Variants in DHTKD1 observed in about 807,000 individuals in gnomAD.
The protein encoded by DHTKD1 is 2-oxoadipate dehydrogenase complex component E1.
DHTKD1 carries 78 observed loss-of-function variants against 101.8 expected under a neutral mutation model. The ratio of observed to expected loss-of-function variants is 0.77; its 90% CI spans 0.64 to 0.93. The LOEUF (loss-of-function observed/expected upper bound fraction) is 0.93, where lower values mean the gene tolerates loss of function less well. Among genes scored for constraint, DHTKD1 ranks in the 40% least tolerant of loss-of-function variants. The pLI is 0.00. For synonymous variants in DHTKD1, 462 were observed against 450.3 expected, an observed-to-expected ratio of 1.03 and a Z score of -0.33; for missense variants, 1,223 against 1,161.7, an observed-to-expected ratio of 1.05 and a Z score of -0.77.
chr10:12,083,733 C>T (rs1832856949), intron 2 of DHTKD1, among the ~76,000 whole-genome samples: 2 of 151,928 alleles, frequency 1.3e-5, no homozygotes, highest in African/African-American at 4.8e-5. Context: ...AAAACTCCAT[C>T]ACACACACAC....
chr10:12,078,242 T>C (rs1014381936), intron 1 of DHTKD1, among the ~76,000 whole-genome samples: 2 of 151,908 alleles, frequency 1.3e-5, no homozygotes, highest in African/African-American at 2.4e-5. Flanking sequence ...CTGGCCAACA[T>C]GGTGAAACCT....
At position 12,073,481 on chromosome 10, in the gene DHTKD1, G is replaced by A. The variant is rs187909598; in HGVS notation, c.154+4294G>A. Among the ~76,000 whole-genome samples the A allele has an allele frequency of 3.9e-5, 6 of 152,108 alleles. No individual in the cohort carries two copies. The East Asian group carries it at 7.7e-4, about 20-fold the overall frequency. ...CCTGCCTCAGCCTCTTGAGTAGCTG[G>A]GACTACAGGTGCTCACCACCATGCC... On this transcript the variant is annotated intron_variant, in intron 1 of 16. Coordinates refer to ENST00000263035, the MANE Select transcript of DHTKD1 (RefSeq NM_018706.7).
Position 12,089,828 on chromosome 10 carries a change from G to A in DHTKD1, c.987+573G>A, listed in dbSNP as rs182133731. 4.3e-3 allele frequency among the ~76,000 whole-genome samples: 659 copies of A among 151,812 alleles called. 7 individuals carry two copies. Among genetic ancestry groups the A allele is most frequent in the African/African-American group, 0.012 (493 of 41,394 alleles). ...TGGGACTACAGGCACGTGCCACCAC[G>A]CCCAGCTAATTTTTGTATTTTTAGT... On this transcript the variant is annotated intron_variant, in intron 5 of 16. Transcript: ENST00000263035.
intron 12 of DHTKD1, among the ~76,000 whole-genome samples, chr10:12,112,036 C>T (rs1343394599): frequency 6.6e-6 from 1 of 150,568 alleles, no homozygotes; most frequent in Non-Finnish European, 1.5e-5. Flanking sequence ...TGATTGAGGC[C>T]AGGCATGGTG....
Position 12,100,281 on chromosome 10 carries a change from T to TTTCGG in DHTKD1, c.1756+21_1756+22insCGGTT. 1.1e-6 allele frequency: 1 copy of TTTCGG among 937,636 alleles called. No homozygotes were observed. The highest frequency in any genetic ancestry group is 1.5e-6 in the Non-Finnish European group (1 of 656,926). The allele number at this position is 937,636 out of a possible 1,614,324, so 58.1% of individuals were successfully genotyped here. On this transcript the variant is annotated intron_variant, in intron 9 of 16. Coordinates refer to ENST00000263035, the MANE Select transcript of DHTKD1 (RefSeq NM_018706.7). ...GCTCAAGGTAAGAATTTTCTTTTTT[T>TTTCGG]TTTCTGTTTTTTTTTTTTTTGAGTC... is the stretch of plus-strand genomic sequence containing the variant.
chr10:12,088,959 T>G, intron 4 of DHTKD1, 27 bp from the exon 5 acceptor site: 1 of 1,594,950 alleles, frequency 6.3e-7, no homozygotes, highest in Non-Finnish European at 8.6e-7. Flanking sequence ...AATGCCATTT[T>G]TTTCCTTTTG....
chr10:12,069,263 GTC>G, intron 1 of DHTKD1, 76 bp downstream of exon 1: 1 of 1,343,328 alleles, frequency 7.4e-7, no homozygotes, highest in Non-Finnish European at 9.8e-7. Context: ...GCGGTGGGGT[GTC>G]GGGGTCGGGG....
At position 12,103,322 on chromosome 10, in the gene DHTKD1, C is replaced by T. The variant is rs1372326646; in HGVS notation, c.1896+2141C>T. ...TTGGTAGTGAGAGTAGCTATATTTT[C>T]CTGAGTAGTGATCTGCCTTCATTGT... is the stretch of plus-strand genomic sequence containing the variant. On this transcript the variant is annotated intron_variant, in intron 10 of 16. Transcript: ENST00000263035. The surrounding 1 kb of genome is among the most constrained non-coding windows in gnomAD (Gnocchi z 4.8). Among the ~76,000 whole-genome samples, 1 of 152,062 alleles carries T rather than the reference C, an allele frequency of 6.6e-6. No homozygotes were observed. The highest frequency in any genetic ancestry group is 1.5e-5 in the Non-Finnish European group (1 of 68,022).
chr10:12,098,097 T>C, intron 8 of DHTKD1, 101 bp downstream of exon 8: 1 of 1,130,102 alleles, frequency 8.8e-7, no homozygotes, highest in Non-Finnish European at 1.2e-6. Context: ...ATTTGACAAA[T>C]ATTTATTGTG....
Position 12,089,027 on chromosome 10 carries a change from G to C in DHTKD1, c.759G>C (p.Glu253Asp), listed in dbSNP as rs1312979956. The C allele has an allele frequency of 6.2e-7, 1 of 1,614,102 alleles. No individual in the cohort carries two copies. Among genetic ancestry groups the C allele is most frequent in the South Asian group, 1.1e-5 (1 of 91,076 alleles). The change falls in exon 5 of 17, where the codon GAG becomes GAC. Residue 253 changes from glutamate (E) to aspartate (D), a missense_variant. By Grantham distance (45) the Glu-to-Asp change is conservative. Coordinates refer to ENST00000263035, the MANE Select transcript of DHTKD1 (RefSeq NM_018706.7). Reference protein sequence around the residue: ...RKMRGLSEFPENFSATGDVLS... With the variant: ...RKMRGLSEFPDNFSATGDVLS... The stretch of plus-strand genomic sequence containing the variant: ...TGCGAGGCTTAAGTGAATTTCCAGA[G>C]AATTTCTCAGCCACTGGAGACGTCC...
chr10:12,122,711 A>C lies in DHTKD1; in HGVS notation c.*1823A>C, dbSNP rs913030644. 6.6e-6 allele frequency: 1 copy of C among 152,120 alleles called. No individual in the cohort carries two copies. The highest frequency in any genetic ancestry group is 6.6e-5 in the Admixed American group (1 of 15,266). 9.4% of individuals were successfully genotyped at this position (152,120 alleles called of 1,614,324 possible). ...CTTTCCCAACACCAGGTGCTTGGGG[A>C]TTTCTTAGAGATCACCAACCGACTC... On this transcript the variant is annotated 3_prime_UTR_variant, in exon 17 of 17. Coordinates refer to ENST00000263035, the MANE Select transcript of DHTKD1 (RefSeq NM_018706.7).
chr10:12,075,806 C>A (rs554850380), intron 1 of DHTKD1, among the ~76,000 whole-genome samples: 1 of 151,952 alleles, frequency 6.6e-6, no homozygotes, highest in African/African-American at 2.4e-5. Context: ...AAAGGTAATA[C>A]AGTTGAAGTA....
chr10:12,082,957 A>G (rs1832844868), intron 2 of DHTKD1, among the ~76,000 whole-genome samples: 1 of 152,086 alleles, frequency 6.6e-6, no homozygotes, highest in South Asian at 2.1e-4. Context: ...TAACACAGTG[A>G]AACCCCGTCT....
chr10:12,086,545 G>A (rs535078741), intron 3 of DHTKD1, among the ~76,000 whole-genome samples: 1 of 151,792 alleles, frequency 6.6e-6, no homozygotes, highest in Non-Finnish European at 1.5e-5. Context: ...GGATGGTCTC[G>A]ATCTCCTGAC....
intron 1 of DHTKD1, among the ~76,000 whole-genome samples, chr10:12,073,333 CA>C (rs1236956111): frequency 6.6e-6 from 1 of 151,926 alleles, no homozygotes; most frequent in Non-Finnish European, 1.5e-5. Flanking sequence ...GCACCCAGTC[CA>C]TGAAAATATT....
intron 10 of DHTKD1, among the ~76,000 whole-genome samples, chr10:12,102,149 G>A (rs1030913982): frequency 1.3e-5 from 2 of 151,974 alleles, no homozygotes; most frequent in African/African-American, 4.8e-5. Context: ...TTGGTGGCCG[G>A]GTGTGGTGGT....
In DHTKD1 at chr10:12,100,114, C is replaced by T. The variant is rs1371317072; in HGVS notation, c.1672-64C>T. 16 of 971,800 alleles carry T rather than the reference C, an allele frequency of 1.6e-5. No individual in the cohort carries two copies. The East Asian group carries it at 2.7e-4, about 16-fold the overall frequency. 60.2% of individuals were successfully genotyped at this position (971,800 alleles called of 1,614,324 possible). A position where few individuals can be genotyped will look rare whatever the true frequency, so the allele number is the denominator to read the frequency against. On this transcript the variant is annotated intron_variant, in intron 8 of 16. Transcript: ENST00000263035. The stretch of plus-strand genomic sequence containing the variant: ...CCTGGCCTGCATTAAATTTTTTGTA[C>T]TCATTGTGAAAAAGGAAATGGACTC...
rs953186201 is a variant in DHTKD1 at position 12,084,649 on chromosome 10, G to C, written c.420G>C (p.Gln140His). The C allele has an allele frequency of 3.7e-6, 6 of 1,614,130 alleles. No homozygotes were observed. In the African/African-American group the frequency reaches 8.0e-5, roughly 22 times the overall value. Residue 140 changes from glutamine (Q) to histidine (H), a missense_variant, in exon 3 of 17, where the codon CAG becomes CAC. By Grantham distance (24) the Gln-to-His change is conservative. Coordinates refer to ENST00000263035, the MANE Select transcript of DHTKD1 (RefSeq NM_018706.7). The stretch of plus-strand genomic sequence containing the variant: ...TTGAAACCTCCCAACTTCAGAGCCA[G>C]GATGAGAAAGACTGGTTTGCCAAGC... ...ISIETSQLQS[Q>H]DEKDWFAKRF... is the part of the protein sequence containing the mutation.
At chr10:12,117,836 G>C (rs988527064) in intron 14 of DHTKD1, 81 bp downstream of exon 14, 4 of 426,468 alleles carry the variant, frequency 9.4e-6, no homozygotes, top group Admixed American at 4.8e-5. Flanking sequence ...AGAGATCACA[G>C]GTGATGCAGA....
Sources: gnomAD v4.1 joint callset for allele counts (sites outside exome capture counted in the v4.1 genomes callset) on GRCh38, gnomAD v4.1.1 for gene constraint, Gnocchi (gnomAD v3.1) non-coding constraint, MANE v1.5 for transcripts, NCBI Gene and HGNC (gene_info 2026-07-23, HGNC 2026-07-21) for gene names.